Variants in UNC5D observed in about 807,000 individuals in gnomAD.
UNC5D encodes netrin receptor UNC5D.
Under a neutral mutation model 105.4 loss-of-function variants are expected in UNC5D, and 39 were observed. That is an observed-to-expected ratio of 0.37 (90% confidence interval 0.29 to 0.48). UNC5D has a LOEUF of 0.48. UNC5D is among the 20% of genes least tolerant of loss of function. UNC5D has a pLI of 0.98. For missense variants in UNC5D, 991 were observed against 1,202.4 expected, an observed-to-expected ratio of 0.82 and a Z score of 2.60; for synonymous variants, 452 against 450.4, an observed-to-expected ratio of 1.00 and a Z score of -0.04.
At chr8:35,253,473 C>CTTTTTTTT (rs58063448) in intron 1 of UNC5D, among the ~76,000 whole-genome samples, 6 of 99,824 alleles carry the variant, frequency 6.0e-5, no homozygotes, top group Non-Finnish European at 9.2e-5. Context: ...ATTTTATTTC[C>CTTTTTTTT]TTTTTTTTTT....
rs991597205 is a variant in UNC5D, at chr8:35,695,878, G to C, written c.1084+9169G>C. ...GCCTCCCGAGTAGCTGGGATTACAG[G>C]TGTGTGCCACCATGCCTGGCTAATG... On this transcript the variant is annotated intron_variant, in intron 7 of 16. Transcript: ENST00000404895. Among the ~76,000 whole-genome samples the C allele has an allele frequency of 1.1e-4, 17 of 151,974 alleles. 1 individual carries two copies. The highest frequency in any genetic ancestry group is 3.9e-4 in the African/African-American group (16 of 41,390).
chr8:35,290,905 G>T (rs1807014361), intron 1 of UNC5D, among the ~76,000 whole-genome samples: 1 of 148,410 alleles, frequency 6.7e-6, no homozygotes, highest in Non-Finnish European at 1.5e-5. Flanking sequence ...CTGAGATCGT[G>T]TCATTGCACT....
At chr8:35,775,372 A>G (rs1307159851) in intron 16 of UNC5D, among the ~76,000 whole-genome samples, 2 of 152,216 alleles carry the variant, frequency 1.3e-5, no homozygotes, top group Non-Finnish European at 2.9e-5. Context: ...TGAGAGTAGA[A>G]TAGAGAGATC....
rs117685606 is a variant in UNC5D at position 35,652,105 on chromosome 8, G to A, written c.571-31442G>A. On this transcript the variant is annotated intron_variant, in intron 4 of 16. Transcript: ENST00000404895. ...CTCTTATAGAAGTTGTTATATATGA[G>A]CGCTCACCAGCTGTGACTGATCCTT... 2.0e-5 allele frequency among the ~76,000 whole-genome samples: 3 copies of A among 152,244 alleles called. No homozygotes were observed. In the East Asian group the frequency reaches 5.8e-4, roughly 29 times the overall value.
At chr8:35,558,930 C>T (rs918106011) in intron 2 of UNC5D, among the ~76,000 whole-genome samples, 2 of 151,888 alleles carry the variant, frequency 1.3e-5, no homozygotes, top group South Asian at 2.1e-4. Context: ...TGCAGTGAGC[C>T]GAGATCGCAG....
intron 4 of UNC5D, among the ~76,000 whole-genome samples, chr8:35,606,664 C>T (rs960343354): frequency 6.6e-6 from 1 of 152,082 alleles, no homozygotes. Flanking sequence ...CTTACCACCC[C>T]CACTGCTTGT....
At chr8:35,460,286 A>C (rs1808798826) in intron 1 of UNC5D, among the ~76,000 whole-genome samples, 1 of 152,118 alleles carries the variant, frequency 6.6e-6, no homozygotes, top group South Asian at 2.1e-4. Flanking sequence ...TGCTTTCCCT[A>C]GAAGAGGTTA....
intron 2 of UNC5D, among the ~76,000 whole-genome samples, chr8:35,555,182 T>A (rs1234540478): frequency 6.6e-6 from 1 of 152,198 alleles, no homozygotes; most frequent in Non-Finnish European, 1.5e-5. Flanking sequence ...GGTTTCAAAC[T>A]CACTTTTATG....
At chr8:35,324,644 T>C (rs550424215) in intron 1 of UNC5D, among the ~76,000 whole-genome samples, 144 of 152,262 alleles carry the variant, frequency 9.5e-4, no homozygotes, top group Middle Eastern at 3.4e-3. Context: ...AAAAGACATA[T>C]AGTCAAGTAA....
chr8:35,285,696 G>T (rs1342610493), intron 1 of UNC5D, among the ~76,000 whole-genome samples: 1 of 152,108 alleles, frequency 6.6e-6, no homozygotes, highest in Non-Finnish European at 1.5e-5. Context: ...AGGTCTTTCT[G>T]GGTGAGCCCC....
intron 4 of UNC5D, among the ~76,000 whole-genome samples, chr8:35,643,101 T>A (rs1269601217): frequency 6.6e-6 from 1 of 152,170 alleles, no homozygotes; most frequent in Non-Finnish European, 1.5e-5. Context: ...GCCTCGGCAC[T>A]GTTGGCATTT....
At chr8:35,573,408 A>G (rs898208752) in intron 3 of UNC5D, among the ~76,000 whole-genome samples, 4 of 152,004 alleles carry the variant, frequency 2.6e-5, no homozygotes, top group African/African-American at 9.7e-5. Context: ...CGCGCCTGTG[A>G]ATAGCCACTG....
At chr8:35,497,689 G>A (rs1339144802) in intron 1 of UNC5D, among the ~76,000 whole-genome samples, 1 of 151,924 alleles carries the variant, frequency 6.6e-6, no homozygotes, top group Admixed American at 6.6e-5. Context: ...TATGGCCTAG[G>A]TCTGTGCCTT....
At chr8:35,394,019 CTCGTTTTGGTTTATCTTTT>C (rs1803947353) in intron 1 of UNC5D, among the ~76,000 whole-genome samples, 3 of 151,950 alleles carry the variant, frequency 2.0e-5, no homozygotes, top group Admixed American at 6.6e-5. Flanking sequence ...CTCTCTCTCA[CTCGTTTTGGTTTATCTTTT>C]TCCTTTTTTT....
At chr8:35,305,132 T>A (rs770144404) in intron 1 of UNC5D, among the ~76,000 whole-genome samples, 7 of 152,126 alleles carry the variant, frequency 4.6e-5, no homozygotes, top group Non-Finnish European at 5.9e-5. Flanking sequence ...ATGATAGCGG[T>A]CATCAAATAT....
At chr8:35,455,195 C>A (rs557902701) in intron 1 of UNC5D, among the ~76,000 whole-genome samples, 2 of 151,890 alleles carry the variant, frequency 1.3e-5, no homozygotes, top group African/African-American at 2.4e-5. Context: ...TAAAGTGACC[C>A]AATTTTATAA....
At chr8:35,427,634 A>C (rs1333715284) in intron 1 of UNC5D, among the ~76,000 whole-genome samples, 1 of 152,192 alleles carries the variant, frequency 6.6e-6, no homozygotes, top group Non-Finnish European at 1.5e-5. Context: ...TGTTTATCAC[A>C]GACTATTTCA....
intron 1 of UNC5D, among the ~76,000 whole-genome samples, chr8:35,447,137 A>G (rs1301925656): frequency 6.6e-6 from 1 of 152,076 alleles, no homozygotes; most frequent in Non-Finnish European, 1.5e-5. Context: ...TAAAAACTCA[A>G]GTTTTCATGG....
intron 9 of UNC5D, chr8:35,724,307 C>T (rs902461810): frequency 1.3e-6 from 2 of 1,535,010 alleles, no homozygotes; most frequent in Non-Finnish European, 1.7e-6. Context: ...ATGCCACTCT[C>T]CCTGCATTTA....
Sources: gnomAD v4.1 joint callset for allele counts (sites outside exome capture counted in the v4.1 genomes callset) on GRCh38, gnomAD v4.1.1 for gene constraint, MANE v1.5 for transcripts, NCBI Gene and HGNC (gene_info 2026-07-23, HGNC 2026-07-21) for gene names.